The following DOCK3 variants were observed in gnomAD, a reference collection of about 807,000 sequenced individuals.
The protein encoded by DOCK3 is dedicator of cytokinesis 3.
In DOCK3, 60 loss-of-function variants were observed where a neutral mutation model predicts 265.6. That is an observed-to-expected ratio of 0.23 (90% CI 0.18 to 0.28). The LOEUF is 0.28. Ranked by LOEUF, DOCK3 falls within the 10% of genes least tolerant of loss-of-function variation. The pLI, the probability that DOCK3 is intolerant of heterozygous loss-of-function variation, is 1.00. For missense variants in DOCK3, 1,981 were observed against 2,594.3 expected (o/e 0.76, Z 5.14); for synonymous variants, 881 against 938.0 (o/e 0.94, Z 1.11).
chr3:51,381,365 C>G lies in DOCK3; in HGVS notation c.5899C>G (p.Pro1967Ala). ...CCCAGGGTGCGTCATCCCTCAGGAC[C>G]CCATGGACCCGCCTGCGCTGCCGCC... ...SAPGCVIPQD[P>A]MDPPALPPKP... Residue 1967 changes from proline to alanine, a missense_variant, in exon 53 of 53, where the codon CCC (proline) becomes GCC (alanine). Pro to Ala is a conservative substitution (Grantham distance 27, BLOSUM62 -1). Transcript: ENST00000266037. This position sits in a 1 kb window ranked among gnomAD's most constrained non-coding sequence, Gnocchi z 5.6. The G allele has an allele frequency of 6.2e-7, 1 of 1,613,030 alleles. No individual in the cohort carries two copies. The highest frequency in any genetic ancestry group is 8.5e-7 in the Non-Finnish European group (1 of 1,179,828).
intron 1 of DOCK3, among the ~76,000 whole-genome samples, chr3:50,752,141 A>G (rs901689628): frequency 6.6e-6 from 1 of 152,152 alleles, no homozygotes; most frequent in African/African-American, 2.4e-5. Context: ...AGAAAATATG[A>G]TATTTCACTG....
chr3:51,226,638 CAGG>C (rs997135078), intron 15 of DOCK3, among the ~76,000 whole-genome samples: 18 of 152,212 alleles, frequency 1.2e-4, no homozygotes, highest in African/African-American at 4.1e-4. Context: ...ATGCCAGTGG[CAGG>C]AGAATGGTCA....
At chr3:51,247,232 A>G (rs2078883799) in intron 22 of DOCK3, among the ~76,000 whole-genome samples, 1 of 152,220 alleles carries the variant, frequency 6.6e-6, no homozygotes, top group Non-Finnish European at 1.5e-5. Flanking sequence ...AGCTGAGTGG[A>G]TGCACTGTAT....
intron 5 of DOCK3, among the ~76,000 whole-genome samples, chr3:51,019,640 C>T (rs1245002922): frequency 3.3e-5 from 5 of 151,894 alleles, no homozygotes; most frequent in African/African-American, 9.7e-5. Flanking sequence ...TCACCTCCAA[C>T]AGGCCCCAGT....
intron 10 of DOCK3, among the ~76,000 whole-genome samples, chr3:51,147,871 G>T (rs147541746): frequency 5.0e-4 from 76 of 152,316 alleles, no homozygotes; most frequent in African/African-American, 1.8e-3. Flanking sequence ...TGGGATCACA[G>T]GGTCAAATGG....
chr3:50,940,481 C>T (rs906720595), intron 5 of DOCK3, among the ~76,000 whole-genome samples: 1 of 152,062 alleles, frequency 6.6e-6, no homozygotes, highest in Non-Finnish European at 1.5e-5. Flanking sequence ...GACTGTTGAT[C>T]TGTATATTTA....
chr3:50,795,462 A>G (rs941210532), intron 2 of DOCK3, among the ~76,000 whole-genome samples: 4 of 151,834 alleles, frequency 2.6e-5, no homozygotes, highest in African/African-American at 9.7e-5. Context: ...GCTCACTGCA[A>G]CCTCTGCCTC....
intron 1 of DOCK3, among the ~76,000 whole-genome samples, chr3:50,749,591 A>G (rs771858658): frequency 6.6e-6 from 1 of 152,118 alleles, no homozygotes; most frequent in Non-Finnish European, 1.5e-5. Flanking sequence ...TAAAAATCCT[A>G]TCAGTGGACA....
chr3:50,966,483 G>GTTT (rs140247895), intron 5 of DOCK3, among the ~76,000 whole-genome samples: 16 of 116,844 alleles, frequency 1.4e-4, no homozygotes, highest in African/African-American at 1.6e-4. Context: ...GTTATCTCTT[G>GTTT]TTTTTTTTTT....
chr3:51,119,291 C>A (rs2083905666), intron 9 of DOCK3, among the ~76,000 whole-genome samples: 2 of 152,082 alleles, frequency 1.3e-5, no homozygotes, highest in African/African-American at 4.8e-5. Flanking sequence ...TGAATATTGG[C>A]CCCCACTCTC....
At chr3:51,093,519 G>T (rs540007871) in intron 9 of DOCK3, among the ~76,000 whole-genome samples, 66 of 152,272 alleles carry the variant, frequency 4.3e-4, no homozygotes, top group African/African-American at 1.6e-3. Context: ...TGTGATGTTT[G>T]CACATTGATT....
chr3:51,170,720 G>A (rs989059575), intron 12 of DOCK3, among the ~76,000 whole-genome samples: 3 of 151,930 alleles, frequency 2.0e-5, no homozygotes, highest in Non-Finnish European at 2.9e-5. Flanking sequence ...GAAGGCGGGC[G>A]GATCATGAGA....
At chr3:50,973,114 T>C (rs1000166488) in intron 5 of DOCK3, among the ~76,000 whole-genome samples, 3 of 146,372 alleles carry the variant, frequency 2.0e-5, no homozygotes, top group Admixed American at 6.8e-5. Flanking sequence ...AAATTTCTTT[T>C]TTTTTTTTGT....
chr3:51,001,655 C>A (rs2078488646), intron 5 of DOCK3, among the ~76,000 whole-genome samples: 1 of 152,052 alleles, frequency 6.6e-6, no homozygotes, highest in South Asian at 2.1e-4. Context: ...TTTTATTTCT[C>A]TTGGGTGAAT....
At chr3:50,677,565 CTTTG>C (rs1286615611) in intron 1 of DOCK3, among the ~76,000 whole-genome samples, 5 of 152,226 alleles carry the variant, frequency 3.3e-5, no homozygotes. Context: ...AGATTTGTGT[CTTTG>C]TTTGTCAACC....
In DOCK3 at chr3:51,355,956, A is replaced by G. The variant is rs1332608450; in HGVS notation, c.4250-133A>G. 15 of 1,113,890 alleles carry G rather than the reference A, an allele frequency of 1.3e-5. No individual in the cohort carries two copies. In the Admixed American group the frequency reaches 3.3e-4, roughly 25 times the overall value. 69.0% of individuals were successfully genotyped at this position (1,113,890 alleles called of 1,614,324 possible). ...GGTCTGATCTGCCCCTAGAGATGCC[A>G]CTGCCTCCCCTACTGGGCTGTCAGT... is the stretch of plus-strand genomic sequence containing the variant. On this transcript the variant is annotated intron_variant, in intron 41 of 52. Transcript: ENST00000266037.
In DOCK3 at chr3:51,167,302, A is replaced by G. The variant is rs146630834; in HGVS notation, c.1037+6600A>G. Among the ~76,000 whole-genome samples the G allele has an allele frequency of 1.3e-3, 197 of 152,194 alleles. 1 individual carries two copies. The East Asian group carries it at 0.02, about 15-fold the overall frequency. Reference sequence around the variant, plus strand: ...GATCTGTATTCTGTTCCATTGGTCTATGTGTCTGTTTTTATGGCATTACCA... The same window carrying G: ...GATCTGTATTCTGTTCCATTGGTCTGTGTGTCTGTTTTTATGGCATTACCA... On this transcript the variant is annotated intron_variant, in intron 12 of 52. Coordinates refer to ENST00000266037, the MANE Select transcript of DOCK3 (RefSeq NM_004947.5).
intron 1 of DOCK3, among the ~76,000 whole-genome samples, chr3:50,694,513 G>A (rs2035479386): frequency 6.6e-6 from 1 of 151,806 alleles, no homozygotes; most frequent in Admixed American, 6.6e-5. Context: ...GCGCATTAAA[G>A]AATGGGGCCA....
chr3:50,922,917 C>A (rs35190976), intron 4 of DOCK3, among the ~76,000 whole-genome samples: 1 of 151,966 alleles, frequency 6.6e-6, no homozygotes, highest in Non-Finnish European at 1.5e-5. Context: ...TGCCTCTCCC[C>A]CTTCCCACCT....
Sources: allele counts gnomAD v4.1 joint callset (sites outside exome capture counted in the v4.1 genomes callset), GRCh38; gene constraint gnomAD v4.1.1; non-coding constraint Gnocchi (gnomAD v3.1); transcripts MANE v1.5; gene names NCBI Gene and HGNC (gene_info 2026-07-23, HGNC 2026-07-21).